SORCS1: variants seen among roughly 807,000 people sequenced by gnomAD.
SORCS1 encodes the protein sortilin related VPS10 domain containing receptor 1.
In SORCS1, 60 loss-of-function variants were observed where a neutral mutation model predicts 146.1. That is an observed-to-expected ratio of 0.41 (90% CI 0.33 to 0.51). The LOEUF is 0.51. Ranked by LOEUF, SORCS1 falls within the 20% of genes least tolerant of loss-of-function variation. The probability of loss-of-function intolerance (pLI) is 0.21; values close to 1 mark genes in which losing one functional copy is unlikely to be tolerated. For missense variants in SORCS1, 1,352 were observed against 1,487.6 expected (o/e 0.91, Z 1.50); for synonymous variants, 637 against 584.0 (o/e 1.09, Z -1.31).
At chr10:106,720,575 C>T (rs574023878) in intron 6 of SORCS1, among the ~76,000 whole-genome samples, 110 of 150,164 alleles carry the variant, frequency 7.3e-4, no homozygotes, top group African/African-American at 2.5e-3. Context: ...TTTTTAAGTA[C>T]GATGCTACTT....
rs546151864 is a variant in SORCS1 at position 107,144,754 on chromosome 10, G to C, written c.558+19215C>G. On this transcript the variant is annotated intron_variant, in intron 1 of 25. Coordinates refer to ENST00000263054, the MANE Select transcript of SORCS1 (RefSeq NM_052918.5). ...CTCCTTGACATTCCTCTCCCCCTTCGGCACAGCTTTGCTAGAACCTATCAA... is the reference window on the plus strand; with the variant it reads ...CTCCTTGACATTCCTCTCCCCCTTCCGCACAGCTTTGCTAGAACCTATCAA... Among the ~76,000 whole-genome samples the C allele has an allele frequency of 2.0e-3, 299 of 152,240 alleles. 1 individual carries two copies. The highest frequency in any genetic ancestry group is 6.6e-3 in the African/African-American group (273 of 41,548).
intron 1 of SORCS1, among the ~76,000 whole-genome samples, chr10:107,075,592 T>C (rs1565006255): frequency 6.6e-6 from 1 of 152,106 alleles, no homozygotes. Context: ...AATGTATCTT[T>C]GGGCTCCTGA....
chr10:106,754,703 G>A (rs1858506693), intron 5 of SORCS1, among the ~76,000 whole-genome samples: 1 of 152,170 alleles, frequency 6.6e-6, no homozygotes, highest in Non-Finnish European at 1.5e-5. Flanking sequence ...GAAATGCACT[G>A]AGTATAGCAT....
chr10:106,979,566 AAAACAAAC>A (rs533246417), intron 1 of SORCS1, among the ~76,000 whole-genome samples: 1 of 152,158 alleles, frequency 6.6e-6, no homozygotes, highest in Non-Finnish European at 1.5e-5. Flanking sequence ...TAAAAAAACA[AAAACAAAC>A]AAACAAACAA....
intron 24 of SORCS1, among the ~76,000 whole-genome samples, chr10:106,593,663 C>T (rs200757155): frequency 3.2e-4 from 48 of 152,262 alleles, no homozygotes; most frequent in East Asian, 1.3e-3. Context: ...ATTATATAGC[C>T]GAAAGACCCT....
At chr10:106,890,988 A>G (rs1287370852) in intron 2 of SORCS1, among the ~76,000 whole-genome samples, 1 of 152,176 alleles carries the variant, frequency 6.6e-6, no homozygotes, top group Admixed American at 6.5e-5. Context: ...TGATTCAAGG[A>G]TAATTCCTCT....
chr10:106,993,801 C>T (rs1244650539), intron 1 of SORCS1, among the ~76,000 whole-genome samples: 1 of 151,838 alleles, frequency 6.6e-6, no homozygotes, highest in South Asian at 2.1e-4. Flanking sequence ...AGGCCAGGTG[C>T]CGTAGTTCAT....
At chr10:106,910,984 A>C (rs1010859691) in intron 2 of SORCS1, among the ~76,000 whole-genome samples, 1 of 152,228 alleles carries the variant, frequency 6.6e-6, no homozygotes, top group Non-Finnish European at 1.5e-5. Context: ...CAGAATAATA[A>C]GACTTGAATT....
At chr10:107,129,030 T>C (rs1158234163) in intron 1 of SORCS1, among the ~76,000 whole-genome samples, 1 of 152,244 alleles carries the variant, frequency 6.6e-6, no homozygotes, top group Non-Finnish European at 1.5e-5. Flanking sequence ...CACCAGTCCC[T>C]GAGCACAAAC....
At chr10:106,974,312 G>C (rs1430633046) in intron 1 of SORCS1, among the ~76,000 whole-genome samples, 1 of 152,112 alleles carries the variant, frequency 6.6e-6, no homozygotes, top group Admixed American at 6.5e-5. Flanking sequence ...GTAGGGAGAC[G>C]GGAATCTGGA....
chr10:107,162,748 C>T (rs1969801355), intron 1 of SORCS1, among the ~76,000 whole-genome samples: 2 of 152,202 alleles, frequency 1.3e-5, no homozygotes, highest in Non-Finnish European at 2.9e-5. Context: ...GAGCACAACT[C>T]ACTAAAGTGG....
chr10:106,852,428 G>C (rs749987013), intron 2 of SORCS1, among the ~76,000 whole-genome samples: 1 of 151,974 alleles, frequency 6.6e-6, no homozygotes, highest in Non-Finnish European at 1.5e-5. Context: ...AAGAGATCAA[G>C]ACCATCCTGG....
At chr10:107,062,754 T>A (rs954219925) in intron 1 of SORCS1, among the ~76,000 whole-genome samples, 3 of 151,966 alleles carry the variant, frequency 2.0e-5, no homozygotes, top group African/African-American at 7.2e-5. Flanking sequence ...TACGTCAGTA[T>A]CTCTTTTCTC....
chr10:106,865,677 T>C (rs1486774489), intron 2 of SORCS1, among the ~76,000 whole-genome samples: 2 of 150,124 alleles, frequency 1.3e-5, no homozygotes, highest in African/African-American at 2.5e-5. Flanking sequence ...TGAGCCAAGA[T>C]TGTGCCATTT....
At chr10:107,106,438 G>T (rs1965309347) in intron 1 of SORCS1, among the ~76,000 whole-genome samples, 1 of 152,186 alleles carries the variant, frequency 6.6e-6, no homozygotes, top group African/African-American at 2.4e-5. Flanking sequence ...GGTCAAACCA[G>T]ACCTGACAAC....
intron 2 of SORCS1, among the ~76,000 whole-genome samples, chr10:106,919,218 T>C (rs1228559954): frequency 1.3e-5 from 2 of 152,224 alleles, no homozygotes; most frequent in African/African-American, 2.4e-5. Context: ...ATGATAGCTA[T>C]GCCCTTTTCA....
intron 1 of SORCS1, among the ~76,000 whole-genome samples, chr10:107,082,396 G>A (rs1386464385): frequency 6.6e-6 from 1 of 152,112 alleles, no homozygotes; most frequent in East Asian, 1.9e-4. Flanking sequence ...AATTCACACA[G>A]TGCTGTTCAA....
At chr10:106,961,634 C>G (rs11193132) in intron 1 of SORCS1, among the ~76,000 whole-genome samples, 1 of 152,112 alleles carries the variant, frequency 6.6e-6, no homozygotes, top group South Asian at 2.1e-4. Flanking sequence ...AATGAAGAAA[C>G]CTGCAGAACT....
At chr10:106,768,120 G>A (rs1419734138) in intron 4 of SORCS1, among the ~76,000 whole-genome samples, 1 of 152,178 alleles carries the variant, frequency 6.6e-6, no homozygotes, top group Non-Finnish European at 1.5e-5. Context: ...TGGCATTTCA[G>A]CTTGAGAATT....
Sources: gnomAD v4.1 joint callset for allele counts (sites outside exome capture counted in the v4.1 genomes callset) on GRCh38, gnomAD v4.1.1 for gene constraint, MANE v1.5 for transcripts, NCBI Gene and HGNC (gene_info 2026-07-23, HGNC 2026-07-21) for gene names.